Variants in ATP8A1 observed in about 807,000 individuals in gnomAD.
The protein encoded by ATP8A1 is ATPase phospholipid transporting 8A1.
In ATP8A1, 90 loss-of-function variants were observed where a neutral mutation model predicts 177.7. The ratio of observed to expected loss-of-function variants is 0.51; its 90% confidence interval spans 0.43 to 0.60. ATP8A1 has a LOEUF of 0.60. Ranked by LOEUF, ATP8A1 falls within the 20% of genes least tolerant of loss-of-function variation. The probability of loss-of-function intolerance (pLI) is 0.00; values close to 1 mark genes in which losing one functional copy is unlikely to be tolerated. For missense variants in ATP8A1, 1,072 were observed against 1,392.8 expected (o/e 0.77, Z 3.67); for synonymous variants, 493 against 485.9 (o/e 1.01, Z -0.19).
intron 19 of ATP8A1, among the ~76,000 whole-genome samples, chr4:42,545,031 G>A (rs1560441636): frequency 1.3e-5 from 2 of 151,926 alleles, no homozygotes; most frequent in East Asian, 1.9e-4. Context: ...ATGGTATCAC[G>A]TGCCTGTAAT....
intron 20 of ATP8A1, among the ~76,000 whole-genome samples, chr4:42,541,239 A>C (rs887440461): frequency 6.6e-6 from 1 of 152,254 alleles, no homozygotes; most frequent in African/African-American, 2.4e-5. Flanking sequence ...CTCATCACAG[A>C]AGACATATAG....
intron 1 of ATP8A1, among the ~76,000 whole-genome samples, chr4:42,642,101 T>A (rs181556344): frequency 6.4e-4 from 98 of 152,220 alleles, no homozygotes; most frequent in African/African-American, 2.3e-3. Flanking sequence ...CACAGCAACA[T>A]ACACTGTCCA....
At chr4:42,585,199 T>C (rs1191086881) in intron 9 of ATP8A1, among the ~76,000 whole-genome samples, 1 of 152,190 alleles carries the variant, frequency 6.6e-6, no homozygotes, top group Non-Finnish European at 1.5e-5. Context: ...AGGCTAACTG[T>C]GACCACCCTA....
At chr4:42,517,699 C>T (rs756306109) in intron 22 of ATP8A1, among the ~76,000 whole-genome samples, 5 of 152,142 alleles carry the variant, frequency 3.3e-5, no homozygotes, top group South Asian at 2.1e-4. Context: ...ATAGATGTGT[C>T]GGCAACTGAT....
chr4:42,636,159 C>T (rs1288476139), intron 1 of ATP8A1, among the ~76,000 whole-genome samples: 1 of 46,324 alleles, frequency 2.2e-5, no homozygotes, highest in African/African-American at 7.3e-5. Flanking sequence ...CACACACACG[C>T]ACACACACAC....
rs1375156994 is a variant in ATP8A1, at chr4:42,586,383, C to T, written c.688G>A (p.Asp230Asn). The T allele has an allele frequency of 6.2e-7, 1 of 1,614,054 alleles. No individual in the cohort carries two copies. The highest frequency in any genetic ancestry group is 8.5e-7 in the Non-Finnish European group (1 of 1,179,992). ...ECESPNRHLY[D>N]FVGNIRLDGH... ...TCAAGCCTTATGTTTCCAACAAAAT[C>T]GTAGAGATGTCTGTTTGGACTTTCA... The change falls in exon 9 of 37, where the codon GAT (aspartate) becomes AAT (asparagine). Residue 230 changes from aspartate (D) to asparagine (N), a missense_variant. By Grantham distance (23) the Asp-to-Asn change is conservative. Coordinates refer to ENST00000381668, the MANE Select transcript of ATP8A1 (RefSeq NM_006095.2).
chr4:42,629,916 T>C (rs536983828), intron 1 of ATP8A1, among the ~76,000 whole-genome samples: 4 of 152,348 alleles, frequency 2.6e-5, no homozygotes, highest in African/African-American at 9.6e-5. Flanking sequence ...CCAGACTCTT[T>C]CCATGTAAAG....
intron 14 of ATP8A1, 125 bp from the exon 15 acceptor site, chr4:42,569,330 T>C: frequency 1.8e-6 from 1 of 570,586 alleles, no homozygotes. Flanking sequence ...AAATGAACTT[T>C]TAGTTGAATC....
intron 16 of ATP8A1, among the ~76,000 whole-genome samples, chr4:42,554,026 AG>A (rs1194857203): frequency 1.3e-5 from 2 of 152,226 alleles, no homozygotes; most frequent in Admixed American, 6.5e-5. Flanking sequence ...GCTCAAAGTG[AG>A]GGTGACAGCT....
At chr4:42,624,160 T>C (rs901643229) in intron 4 of ATP8A1, among the ~76,000 whole-genome samples, 2 of 151,956 alleles carry the variant, frequency 1.3e-5, no homozygotes, top group Non-Finnish European at 2.9e-5. Context: ...AGGCATTTAA[T>C]AAAATGAAAT....
chr4:42,428,845 C>T (rs1714928076), intron 33 of ATP8A1, among the ~76,000 whole-genome samples: 1 of 152,170 alleles, frequency 6.6e-6, no homozygotes, highest in Non-Finnish European at 1.5e-5. Context: ...TGTCCTCAGG[C>T]CTTTGCACCT....
chr4:42,635,754 TACACACACAC>T (rs375888383), intron 1 of ATP8A1, among the ~76,000 whole-genome samples: 6 of 81,822 alleles, frequency 7.3e-5, no homozygotes, highest in East Asian at 3.1e-4. Context: ...TACATATATA[TACACACACAC>T]ACACACACAC....
intron 30 of ATP8A1, among the ~76,000 whole-genome samples, chr4:42,447,566 C>A (rs1717417594): frequency 6.6e-6 from 1 of 152,044 alleles, no homozygotes; most frequent in Admixed American, 6.6e-5. Flanking sequence ...TGAAAATAAG[C>A]AAGAGCTGAA....
At chr4:42,453,519 T>C (rs573454231) in intron 29 of ATP8A1, among the ~76,000 whole-genome samples, 1 of 152,302 alleles carries the variant, frequency 6.6e-6, no homozygotes, top group East Asian at 1.9e-4. Flanking sequence ...AAAGACTTTT[T>C]TCAACAATAA....
intron 33 of ATP8A1, among the ~76,000 whole-genome samples, chr4:42,438,456 G>T (rs1716251073): frequency 6.6e-6 from 1 of 152,038 alleles, no homozygotes; most frequent in Non-Finnish European, 1.5e-5. Context: ...AACAAAATGG[G>T]TATTATTTAT....
At chr4:42,486,450 A>G (rs1722213108) in intron 24 of ATP8A1, among the ~76,000 whole-genome samples, 2 of 152,216 alleles carry the variant, frequency 1.3e-5, no homozygotes, top group Admixed American at 1.3e-4. Flanking sequence ...AGGTCTTTGA[A>G]TAAATTTTGC....
At chr4:42,656,088 G>A (rs1741581355) in intron 1 of ATP8A1, among the ~76,000 whole-genome samples, 1 of 152,158 alleles carries the variant, frequency 6.6e-6, no homozygotes, top group African/African-American at 2.4e-5. Flanking sequence ...TGAAGAGTCT[G>A]GGCCCTCGGA....
chr4:42,555,199 C>A (rs1418783519), intron 16 of ATP8A1, among the ~76,000 whole-genome samples: 3 of 105,148 alleles, frequency 2.9e-5, no homozygotes, highest in Non-Finnish European at 5.9e-5. Flanking sequence ...TCTATCTATC[C>A]TATTAGTTCT....
chr4:42,635,161 CT>C (rs111950204), intron 1 of ATP8A1, among the ~76,000 whole-genome samples: 92 of 147,974 alleles, frequency 6.2e-4, no homozygotes, highest in South Asian at 3.0e-3. Flanking sequence ...ATATTGAGTA[CT>C]TTTTTTTTTA....
Sources: allele counts gnomAD v4.1 joint callset (sites outside exome capture counted in the v4.1 genomes callset), GRCh38; gene constraint gnomAD v4.1.1; transcripts MANE v1.5; gene names NCBI Gene and HGNC (gene_info 2026-07-23, HGNC 2026-07-21).